Variants in MCTP2 observed in about 807,000 individuals in gnomAD.
MCTP2 encodes the protein multiple C2 and transmembrane domain-containing protein 2.
In MCTP2, 132 loss-of-function variants were observed where a neutral mutation model predicts 111.6. The observed-to-expected ratio is 1.18, with a 90% CI of 1.03 to 1.37. MCTP2 has a LOEUF of 1.37. MCTP2 is among the 40% of genes most tolerant of loss of function. The pLI is 0.00. For missense variants in MCTP2, 1,183 were observed against 1,067.9 expected (o/e 1.11, Z -1.50); for synonymous variants, 395 against 387.7 (o/e 1.02, Z -0.22).
intron 1 of MCTP2, among the ~76,000 whole-genome samples, chr15:94,244,247 C>CACAT (rs139879129): frequency 0.4 from 53,050 of 133,516 alleles, 11,133 homozygotes; most frequent in Non-Finnish European, 0.43. Flanking sequence ...CACGTGTATA[C>CACAT]ACATATGTGT....
At chr15:94,356,841 A>C (rs1238952394) in intron 9 of MCTP2, among the ~76,000 whole-genome samples, 1 of 152,200 alleles carries the variant, frequency 6.6e-6, no homozygotes, top group Admixed American at 6.5e-5. Flanking sequence ...ACTGTCTTTG[A>C]AAATAATTCA....
intron 1 of MCTP2, among the ~76,000 whole-genome samples, chr15:94,245,137 T>G (rs2071713192): frequency 6.7e-6 from 1 of 148,848 alleles, no homozygotes; most frequent in African/African-American, 2.4e-5. Flanking sequence ...CATGTGTATA[T>G]ATTTATACAC....
chr15:94,428,642 C>T (rs531696921), intron 17 of MCTP2, among the ~76,000 whole-genome samples: 27 of 152,240 alleles, frequency 1.8e-4, no homozygotes, highest in Non-Finnish European at 3.2e-4. Context: ...CAGACCTTCT[C>T]ATTTCTACCT....
intron 17 of MCTP2, among the ~76,000 whole-genome samples, chr15:94,409,668 C>A (rs956763182): frequency 9.9e-5 from 15 of 151,938 alleles, no homozygotes; most frequent in Non-Finnish European, 1.9e-4. Flanking sequence ...TGTTTGACTA[C>A]CACCTTCTTC....
intron 1 of MCTP2, among the ~76,000 whole-genome samples, chr15:94,244,008 CAT>C (rs1265421630): frequency 1.3e-4 from 19 of 146,380 alleles, no homozygotes; most frequent in South Asian, 2.1e-4. Context: ...TTTATGCACA[CAT>C]ATGTATACAC....
intron 1 of MCTP2, among the ~76,000 whole-genome samples, chr15:94,249,992 A>G (rs1424078742): frequency 6.6e-6 from 1 of 152,208 alleles, no homozygotes; most frequent in African/African-American, 2.4e-5. Flanking sequence ...AGTAAAAGAA[A>G]AAAAAAGCAC....
chr15:94,366,206 T>A (rs965581821), intron 10 of MCTP2, among the ~76,000 whole-genome samples: 1 of 152,226 alleles, frequency 6.6e-6, no homozygotes, highest in African/African-American at 2.4e-5. Flanking sequence ...AAAAATTGTT[T>A]TGATTCAAAT....
Position 94,476,681 on chromosome 15 carries a change from G to A in MCTP2, c.2471-15G>A. 1 of 1,315,180 alleles carries A rather than the reference G, an allele frequency of 7.6e-7. No homozygotes were observed. The highest frequency in any genetic ancestry group is 2.3e-5 in the East Asian group (1 of 43,454). The allele number at this position is 1,315,180 out of a possible 1,614,324, so 81.5% of individuals were successfully genotyped here. A position where few individuals can be genotyped will look rare whatever the true frequency, so the allele number is the denominator to read the frequency against. ...ACAGACAGATAAAGAGATCTCCTGT[G>A]TTTCTATTTTTCAGGCATAAATAAA... On this transcript the variant is annotated splice_polypyrimidine_tract_variant and intron_variant, in intron 21 of 22. Coordinates refer to ENST00000357742, the MANE Select transcript of MCTP2 (RefSeq NM_001385001.1).
At chr15:94,473,803 A>G (rs531869845) in intron 21 of MCTP2, among the ~76,000 whole-genome samples, 28 of 152,210 alleles carry the variant, frequency 1.8e-4, no homozygotes, top group Non-Finnish European at 5.9e-5. Flanking sequence ...GCCTCACCCC[A>G]ACCAGTGTAT....
chr15:94,297,244 C>T (rs1291922993), intron 1 of MCTP2, among the ~76,000 whole-genome samples: 3 of 152,142 alleles, frequency 2.0e-5, no homozygotes, highest in Non-Finnish European at 1.5e-5. Context: ...TGAGTTCAAC[C>T]TGTTATATCC....
intron 11 of MCTP2, 117 bp downstream of exon 11, chr15:94,367,908 C>T: frequency 4.4e-6 from 4 of 905,008 alleles, no homozygotes; most frequent in Non-Finnish European, 4.8e-6. Context: ...ATCTTTGTCC[C>T]AAGTTTCCTT....
intron 1 of MCTP2, among the ~76,000 whole-genome samples, chr15:94,262,942 AT>A (rs1387436399): frequency 6.6e-6 from 1 of 152,136 alleles, no homozygotes; most frequent in Non-Finnish European, 1.5e-5. Flanking sequence ...AAGTGCCGGG[AT>A]TACAGGTGTG....
intron 13 of MCTP2, among the ~76,000 whole-genome samples, chr15:94,384,411 C>T (rs1164285230): frequency 6.6e-6 from 1 of 152,012 alleles, no homozygotes; most frequent in Non-Finnish European, 1.5e-5. Flanking sequence ...TTAATTCATT[C>T]GTGGGTTAAG....
At chr15:94,306,109 A>AGTTGAGAT (rs1434863846) in intron 2 of MCTP2, among the ~76,000 whole-genome samples, 1 of 152,210 alleles carries the variant, frequency 6.6e-6, no homozygotes, top group Non-Finnish European at 1.5e-5. Context: ...CTAGATAACC[A>AGTTGAGAT]GTTGAGATGA....
intron 17 of MCTP2, among the ~76,000 whole-genome samples, chr15:94,405,970 G>A (rs1218527533): frequency 6.6e-6 from 1 of 152,164 alleles, no homozygotes; most frequent in African/African-American, 2.4e-5. Context: ...CTTAGTGAAT[G>A]AGGCCAAATA....
intron 1 of MCTP2, among the ~76,000 whole-genome samples, chr15:94,246,410 A>G (rs1365493520): frequency 1.3e-5 from 2 of 152,134 alleles, no homozygotes; most frequent in African/African-American, 2.4e-5. Flanking sequence ...ATAGGATAGT[A>G]TTTCTAAAGT....
intron 1 of MCTP2, among the ~76,000 whole-genome samples, chr15:94,276,183 A>G (rs1345556211): frequency 6.6e-6 from 1 of 152,152 alleles, no homozygotes; most frequent in African/African-American, 2.4e-5. Context: ...GGCTTCATTA[A>G]TTCTTTGTAT....
intron 17 of MCTP2, among the ~76,000 whole-genome samples, chr15:94,432,825 A>C (rs759564567): frequency 1.3e-4 from 20 of 152,238 alleles, no homozygotes; most frequent in Non-Finnish European, 2.8e-4. Context: ...ATCTTAAGAT[A>C]ATTTCAAATG....
intron 4 of MCTP2, among the ~76,000 whole-genome samples, chr15:94,329,140 T>C (rs1208342348): frequency 6.6e-6 from 1 of 152,170 alleles, no homozygotes; most frequent in Non-Finnish European, 1.5e-5. Flanking sequence ...TCAAGAGGAA[T>C]GGGGACAGAT....
Sources: gnomAD v4.1 joint callset for allele counts (sites outside exome capture counted in the v4.1 genomes callset) on GRCh38, gnomAD v4.1.1 for gene constraint, MANE v1.5 for transcripts, NCBI Gene and HGNC (gene_info 2026-07-23, HGNC 2026-07-21) for gene names.